Variants in FAM111B observed in about 807,000 individuals in gnomAD.
FAM111B encodes serine protease FAM111B.
A neutral mutation model predicts 2.8 loss-of-function variants in FAM111B; 1 was observed. The observed-to-expected ratio is 0.36, with a 90% CI of 0.13 to 1.70. The LOEUF is 1.70. Among genes scored for constraint, FAM111B ranks in the 40% most tolerant of loss-of-function variants. The pLI, the probability that FAM111B is intolerant of heterozygous loss-of-function variation, is 0.35. For missense variants in FAM111B, 882 were observed against 878.9 expected (o/e 1.00, Z -0.04); for synonymous variants, 297 against 295.6 (o/e 1.00, Z -0.05).
chr11:59,122,582 G>A (rs1421416648), intron 3 of FAM111B, among the ~76,000 whole-genome samples: 3 of 152,186 alleles, frequency 2.0e-5, no homozygotes, highest in East Asian at 1.9e-4. Context: ...GTAGTCAAAT[G>A]TGTAATGACA....
chr11:59,120,352 C>A (rs1321604768), intron 3 of FAM111B, among the ~76,000 whole-genome samples: 2 of 152,192 alleles, frequency 1.3e-5, no homozygotes, highest in Non-Finnish European at 2.9e-5. Context: ...GCGTCCCCCA[C>A]AATTCATATG....
intron 3 of FAM111B, among the ~76,000 whole-genome samples, chr11:59,115,790 G>C (rs1202715798): frequency 6.6e-6 from 1 of 152,180 alleles, no homozygotes; most frequent in South Asian, 2.1e-4. Flanking sequence ...AAGCAATGAG[G>C]TAAAGTCCTG....
At chr11:59,123,080 G>A (rs772672052) in intron 3 of FAM111B, among the ~76,000 whole-genome samples, 2 of 152,070 alleles carry the variant, frequency 1.3e-5, no homozygotes, top group Non-Finnish European at 1.5e-5. Context: ...CCAACTGATT[G>A]TATATGAGTA....
In FAM111B at chr11:59,124,541, G is replaced by A. The variant is rs753962616; in HGVS notation, c.444G>A (p.Lys148=). The change falls in exon 4 of 4, where the codon AAG becomes AAA. Residue 148 remains lysine (K), a synonymous_variant. Coordinates refer to ENST00000343597, the MANE Select transcript of FAM111B (RefSeq NM_198947.4). The part of the protein sequence containing the change: ...DGHINLGMPL[K]CLPSDSHFKI... Reference sequence around the variant, plus strand: ...ATATAAATTTAGGAATGCCTCTCAAGTGCCTGCCTAGTGATTCTCATTTTA... The same window carrying A: ...ATATAAATTTAGGAATGCCTCTCAAATGCCTGCCTAGTGATTCTCATTTTA... 1 of 1,613,558 alleles carries A rather than the reference G, an allele frequency of 6.2e-7. No individual in the cohort carries two copies. The highest frequency in any genetic ancestry group is 1.1e-5 in the South Asian group (1 of 91,002).
At chr11:59,116,433 A>G (rs1439680596) in intron 3 of FAM111B, among the ~76,000 whole-genome samples, 2 of 152,194 alleles carry the variant, frequency 1.3e-5, no homozygotes, top group African/African-American at 4.8e-5. Context: ...CCTCCTGGTA[A>G]GGTGAAATTC....
At chr11:59,120,762 G>GTGACC (rs1158605001) in intron 3 of FAM111B, among the ~76,000 whole-genome samples, 3 of 152,162 alleles carry the variant, frequency 2.0e-5, no homozygotes, top group African/African-American at 7.2e-5. Context: ...CTACTGCAGT[G>GTGACC]TGACCTCATT....
chr11:59,120,731 G>A (rs1223730156), intron 3 of FAM111B, among the ~76,000 whole-genome samples: 1 of 152,118 alleles, frequency 6.6e-6, no homozygotes, highest in African/African-American at 2.4e-5. Context: ...GATATCAAGG[G>A]TATTGGATTA....
intron 3 of FAM111B, among the ~76,000 whole-genome samples, chr11:59,117,302 A>G (rs1235450336): frequency 6.6e-6 from 1 of 152,114 alleles, no homozygotes; most frequent in African/African-American, 2.4e-5. Context: ...CTTTTTTGGC[A>G]TGGGGACTTT....
intron 3 of FAM111B, among the ~76,000 whole-genome samples, chr11:59,121,231 TTG>T (rs1385629720): frequency 6.6e-6 from 1 of 152,078 alleles, no homozygotes; most frequent in Non-Finnish European, 1.5e-5. Context: ...AATAAACAAT[TTG>T]TGTCTACAAT....
chr11:59,123,301 G>T (rs976344295), intron 3 of FAM111B, among the ~76,000 whole-genome samples: 3 of 152,152 alleles, frequency 2.0e-5, no homozygotes, highest in African/African-American at 7.2e-5. Context: ...AAATTAGACA[G>T]AATTTTATCT....
In FAM111B at chr11:59,108,691, C is replaced by T. The variant is rs886222027; in HGVS notation, c.-108C>T. ...AGGGGGAAATCCAGTCCCTGTTACT[C>T]CATTTTGGCCAGAAATTCAAGGTAA... On this transcript the variant is annotated 5_prime_UTR_variant, in exon 2 of 4. Coordinates refer to ENST00000343597, the MANE Select transcript of FAM111B (RefSeq NM_198947.4). 1.3e-5 allele frequency: 2 copies of T among 152,478 alleles called. No individual in the cohort carries two copies. Among genetic ancestry groups the T allele is most frequent in the African/African-American group, 4.8e-5 (2 of 41,430 alleles). 9.4% of individuals were successfully genotyped at this position (152,478 alleles called of 1,614,324 possible).
At chr11:59,111,013 T>A (rs371242911) in intron 3 of FAM111B, among the ~76,000 whole-genome samples, 1 of 152,216 alleles carries the variant, frequency 6.6e-6, no homozygotes, top group African/African-American at 2.4e-5. Flanking sequence ...AGAATTCAGC[T>A]GAGCTCTTAA....
In FAM111B at chr11:59,125,162, A is replaced by G; in HGVS notation, c.1065A>G (p.Arg355=). ...ATTATTACTTTTGTAGTTTGCCCCGAAAATATAGGCAAATAAACTCACAAG... is the reference window on the plus strand; with the variant it reads ...ATTATTACTTTTGTAGTTTGCCCCGGAAATATAGGCAAATAAACTCACAAG... ...IRNYYFCSLP[R]KYRQINSQVR... Residue 355 remains arginine (R), a synonymous_variant, in exon 4 of 4, where the codon CGA becomes CGG. Transcript: ENST00000343597. 1 of 1,613,942 alleles carries G rather than the reference A, an allele frequency of 6.2e-7. No individual in the cohort carries two copies. Among genetic ancestry groups the G allele is most frequent in the Non-Finnish European group, 8.5e-7 (1 of 1,179,860 alleles).
chr11:59,109,307 T>G (rs1177513572), intron 2 of FAM111B, among the ~76,000 whole-genome samples: 4 of 152,190 alleles, frequency 2.6e-5, no homozygotes, highest in African/African-American at 9.7e-5. Context: ...GCTCCAGTCA[T>G]CTTGGCCTCC....
chr11:59,125,017 A>G lies in FAM111B; in HGVS notation c.920A>G (p.Lys307Arg). The G allele has an allele frequency of 1.2e-6, 2 of 1,612,848 alleles. No homozygotes were observed. Among genetic ancestry groups the G allele is most frequent in the Non-Finnish European group, 8.5e-7 (1 of 1,179,744 alleles). The part of the protein sequence containing the change: ...SLIQSKKKVH[K>R]PKKDGETKDV... Reference sequence around the variant, plus strand: ...ATACAGTCTAAGAAAAAAGTCCACAAACCAAAGAAAGATGGAGAGACCAAA... The same window carrying G: ...ATACAGTCTAAGAAAAAAGTCCACAGACCAAAGAAAGATGGAGAGACCAAA... The change falls in exon 4 of 4, where the codon AAA becomes AGA. Residue 307 changes from lysine (K) to arginine (R), a missense_variant. Coordinates refer to ENST00000343597, the MANE Select transcript of FAM111B (RefSeq NM_198947.4).
rs575386520 is a variant in FAM111B, at chr11:59,124,183, C to T, written c.86C>T (p.Thr29Ile). 1.3e-6 allele frequency: 2 copies of T among 1,594,420 alleles called. No homozygotes were observed. Among genetic ancestry groups the T allele is most frequent in the Non-Finnish European group, 1.7e-6 (2 of 1,170,196 alleles). Reference protein sequence around the residue: ...QRTRPEVSKDTVMKQTHADTP... With the variant: ...QRTRPEVSKDIVMKQTHADTP... The stretch of plus-strand genomic sequence containing the variant: ...CTTTAATCTTTCCTTTTTAAGGATA[C>T]TGTCATGAAGCAGACACATGCTGAC... Residue 29 changes from threonine (T) to isoleucine (I), a missense_variant, in exon 4 of 4, where the codon ACT (threonine) becomes ATT (isoleucine). Thr to Ile is a moderately conservative substitution (Grantham distance 89). Transcript: ENST00000343597.
At chr11:59,120,183 G>C (rs749582946) in intron 3 of FAM111B, among the ~76,000 whole-genome samples, 27 of 152,098 alleles carry the variant, frequency 1.8e-4, no homozygotes, top group African/African-American at 6.5e-4. Context: ...TCAATGTCAA[G>C]ATATACTAAT....
chr11:59,111,314 G>A (rs1466116257), intron 3 of FAM111B, among the ~76,000 whole-genome samples: 2 of 152,106 alleles, frequency 1.3e-5, no homozygotes, highest in African/African-American at 4.8e-5. Context: ...ATACGTGTAT[G>A]GCTCCTAAAA....
intron 3 of FAM111B, among the ~76,000 whole-genome samples, chr11:59,122,325 A>G (rs866368675): frequency 2.1e-4 from 32 of 152,202 alleles, no homozygotes; most frequent in Middle Eastern, 3.2e-3. Flanking sequence ...AAACAAATTC[A>G]GACTTAGTGG....
Sources: allele counts gnomAD v4.1 joint callset (sites outside exome capture counted in the v4.1 genomes callset), GRCh38; gene constraint gnomAD v4.1.1; transcripts MANE v1.5; gene names NCBI Gene and HGNC (gene_info 2026-07-23, HGNC 2026-07-21).